Variants in NRG3 observed in about 807,000 individuals in gnomAD.
The protein encoded by NRG3 is pro-neuregulin-3, membrane-bound isoform.
NRG3 carries 31 observed loss-of-function variants against 66.9 expected under a neutral mutation model. That is an observed-to-expected ratio of 0.46 (90% CI 0.35 to 0.63). The LOEUF (loss-of-function observed/expected upper bound fraction) is 0.63. Among genes scored for constraint, NRG3 ranks in the 20% least tolerant of loss-of-function variants. The probability of loss-of-function intolerance (pLI) is 0.00; values close to 1 mark genes in which losing one functional copy is unlikely to be tolerated. For missense variants in NRG3, 910 were observed against 878.9 expected (o/e 1.04, Z -0.45); for synonymous variants, 393 against 359.4 (o/e 1.09, Z -1.06).
chr10:82,868,882 G>A (rs550800234), intron 4 of NRG3, among the ~76,000 whole-genome samples: 4 of 152,046 alleles, frequency 2.6e-5, no homozygotes, highest in East Asian at 1.9e-4. Context: ...TAGTAGAAAC[G>A]GGTTTCACCA....
At position 82,321,441 on chromosome 10, in the gene NRG3, G is replaced by A. The variant is rs540542393; in HGVS notation, c.824-37298G>A. ...TTGATTATTCCTTAAAACCACCTGC[G>A]ACGTGATTATTGTTTCCCTTCTTGT... On this transcript the variant is annotated intron_variant, in intron 1 of 8. Coordinates refer to ENST00000372141, the MANE Select transcript of NRG3 (RefSeq NM_001010848.4). 1.1e-4 allele frequency among the ~76,000 whole-genome samples: 17 copies of A among 152,274 alleles called. No individual in the cohort carries two copies. The South Asian group carries it at 3.5e-3, about 32-fold the overall frequency.
chr10:82,304,154 G>A (rs941253928), intron 1 of NRG3, among the ~76,000 whole-genome samples: 7 of 151,940 alleles, frequency 4.6e-5, no homozygotes, highest in Non-Finnish European at 1.0e-4. Context: ...CTGTCTTCCT[G>A]CAACAATTTT....
chr10:82,679,150 T>C (rs2053931434), intron 2 of NRG3, among the ~76,000 whole-genome samples: 1 of 152,186 alleles, frequency 6.6e-6, no homozygotes, highest in Non-Finnish European at 1.5e-5. Context: ...TGTGCTGTCT[T>C]GTACATAGTA....
chr10:82,694,999 T>G (rs1339130495), intron 2 of NRG3, among the ~76,000 whole-genome samples: 1 of 152,066 alleles, frequency 6.6e-6, no homozygotes, highest in Admixed American at 6.5e-5. Context: ...AGGCAGCCAT[T>G]TACAATTACA....
At chr10:82,130,186 T>G (rs1178425436) in intron 1 of NRG3, among the ~76,000 whole-genome samples, 1 of 151,766 alleles carries the variant, frequency 6.6e-6, no homozygotes, top group Non-Finnish European at 1.5e-5. Context: ...ATTCTATCAA[T>G]TTTTTAGACT....
intron 1 of NRG3, among the ~76,000 whole-genome samples, chr10:82,152,870 TTTTC>T (rs892131457): frequency 2.0e-5 from 3 of 151,542 alleles, no homozygotes; most frequent in African/African-American, 4.8e-5. Flanking sequence ...TTTCTTTTTC[TTTTC>T]TTTCTTTTTC....
chr10:82,287,410 C>A (rs1441478998), intron 1 of NRG3, among the ~76,000 whole-genome samples: 1 of 152,110 alleles, frequency 6.6e-6, no homozygotes, highest in Non-Finnish European at 1.5e-5. Flanking sequence ...GCCTGCAGAA[C>A]TGTGAGCCAA....
chr10:82,026,640 G>A (rs182630891), intron 1 of NRG3, among the ~76,000 whole-genome samples: 2 of 151,818 alleles, frequency 1.3e-5, no homozygotes, highest in Admixed American at 1.3e-4. Flanking sequence ...ATTTTTTTGT[G>A]TGGATTTTTG....
intron 3 of NRG3, among the ~76,000 whole-genome samples, chr10:82,847,650 C>T (rs1234907840): frequency 2.0e-5 from 3 of 152,080 alleles, no homozygotes; most frequent in African/African-American, 7.2e-5. Context: ...ATCATGAATA[C>T]TTCAGTCAGA....
chr10:82,621,326 G>A (rs7896784), intron 2 of NRG3, among the ~76,000 whole-genome samples: 2,701 of 152,204 alleles, frequency 0.018, 93 homozygotes, highest in African/African-American at 0.062. Context: ...ACCCAGTATG[G>A]GGGTCTTGGA....
At chr10:82,240,014 T>A (rs1210938967) in intron 1 of NRG3, among the ~76,000 whole-genome samples, 1 of 152,172 alleles carries the variant, frequency 6.6e-6, no homozygotes, top group Non-Finnish European at 1.5e-5. Context: ...GCAAGTCATA[T>A]TTTATGCCTG....
intron 2 of NRG3, among the ~76,000 whole-genome samples, chr10:82,455,404 A>G (rs1310890694): frequency 1.3e-5 from 2 of 152,124 alleles, no homozygotes; most frequent in East Asian, 1.9e-4. Flanking sequence ...GTATTACTGT[A>G]TCTGAACATG....
At chr10:81,897,954 C>A (rs1843673198) in intron 1 of NRG3, among the ~76,000 whole-genome samples, 1 of 152,060 alleles carries the variant, frequency 6.6e-6, no homozygotes, top group Non-Finnish European at 1.5e-5. Flanking sequence ...AATAATATAC[C>A]CATGCCCCAG....
At chr10:82,403,025 A>G (rs1036637447) in intron 2 of NRG3, among the ~76,000 whole-genome samples, 13 of 152,210 alleles carry the variant, frequency 8.5e-5, no homozygotes, top group African/African-American at 3.1e-4. Context: ...GATCTTTGCA[A>G]AAATAACTTT....
At chr10:82,458,914 T>C (rs2091390683) in intron 2 of NRG3, among the ~76,000 whole-genome samples, 1 of 152,140 alleles carries the variant, frequency 6.6e-6, no homozygotes, top group South Asian at 2.1e-4. Context: ...GCTCAGAATT[T>C]TCAGCTGCAT....
chr10:82,429,480 T>C (rs1590096846), intron 2 of NRG3, among the ~76,000 whole-genome samples: 1 of 152,126 alleles, frequency 6.6e-6, no homozygotes, highest in South Asian at 2.1e-4. Context: ...TGGTTTCTAA[T>C]GAATAGTTAG....
chr10:82,431,361 G>C (rs951387110), intron 2 of NRG3, among the ~76,000 whole-genome samples: 1 of 152,108 alleles, frequency 6.6e-6, no homozygotes, highest in Non-Finnish European at 1.5e-5. Context: ...TTTTGAGTTT[G>C]CTAATTTTTA....
chr10:82,191,362 TG>T (rs1195922127), intron 1 of NRG3, among the ~76,000 whole-genome samples: 1 of 152,084 alleles, frequency 6.6e-6, no homozygotes. Flanking sequence ...AAATGAACAG[TG>T]GTGCTTTCAT....
intron 3 of NRG3, among the ~76,000 whole-genome samples, chr10:82,765,988 G>T (rs2059498125): frequency 6.6e-6 from 1 of 152,072 alleles, no homozygotes; most frequent in Admixed American, 6.6e-5. Context: ...CTTTGCAGAA[G>T]TTAGACAGTT....
Sources: allele counts gnomAD v4.1 joint callset (sites outside exome capture counted in the v4.1 genomes callset), GRCh38; gene constraint gnomAD v4.1.1; transcripts MANE v1.5; gene names NCBI Gene and HGNC (gene_info 2026-07-23, HGNC 2026-07-21).